CSMD1: variants seen among roughly 807,000 people sequenced by gnomAD.
CSMD1 encodes CUB and sushi domain-containing protein 1.
CSMD1 carries 213 observed loss-of-function variants against 417.5 expected under a neutral mutation model. That is an observed-to-expected ratio of 0.51 (90% confidence interval 0.46 to 0.57). CSMD1 has a LOEUF of 0.57. CSMD1 is among the 20% of genes least tolerant of loss of function. The pLI, the probability that CSMD1 is intolerant of heterozygous loss-of-function variation, is 0.00. For missense variants in CSMD1, 6,923 were observed against 4,529.7 expected (o/e 1.53, Z -15.17); for synonymous variants, 2,862 against 1,736.8 (o/e 1.65, Z -16.11).
intron 3 of CSMD1, among the ~76,000 whole-genome samples, chr8:4,343,592 A>G (rs1230703829): frequency 1.3e-5 from 2 of 152,144 alleles, no homozygotes; most frequent in Non-Finnish European, 2.9e-5. Context: ...GTATATTTTT[A>G]TCTAATAGAA....
chr8:3,102,995 T>C (rs76407462), intron 46 of CSMD1, among the ~76,000 whole-genome samples: 2,971 of 152,286 alleles, frequency 0.02, 124 homozygotes, highest in East Asian at 0.18. Context: ...CAAACCTTTG[T>C]GATTTAGCGG....
chr8:3,143,316 A>C (rs1365234717), intron 40 of CSMD1, among the ~76,000 whole-genome samples: 1 of 152,176 alleles, frequency 6.6e-6, no homozygotes, highest in Non-Finnish European at 1.5e-5. Context: ...TACGTGTGCA[A>C]AACAAATTAT....
intron 1 of CSMD1, among the ~76,000 whole-genome samples, chr8:4,687,658 C>A (rs1218981957): frequency 6.6e-6 from 1 of 152,188 alleles, no homozygotes; most frequent in Admixed American, 6.5e-5. Flanking sequence ...TCCGTGAAGG[C>A]TTAAAATGAG....
At chr8:3,265,954 G>T (rs1801401103) in intron 26 of CSMD1, among the ~76,000 whole-genome samples, 1 of 151,840 alleles carries the variant, frequency 6.6e-6, no homozygotes, top group Non-Finnish European at 1.5e-5. Context: ...TCCAGTTTTG[G>T]ATGCGTTATT....
intron 3 of CSMD1, among the ~76,000 whole-genome samples, chr8:4,283,234 A>C (rs1300328683): frequency 3.3e-5 from 5 of 152,198 alleles, no homozygotes; most frequent in Non-Finnish European, 7.4e-5. Context: ...AGTATCCACT[A>C]TCCTTTTGCA....
chr8:4,855,288 A>G (rs1801731843), intron 1 of CSMD1, among the ~76,000 whole-genome samples: 1 of 151,906 alleles, frequency 6.6e-6, no homozygotes, highest in South Asian at 2.1e-4. Context: ...AAAGACCAAA[A>G]GTAGATAAAA....
At chr8:4,180,860 G>C (rs1563232747) in intron 3 of CSMD1, among the ~76,000 whole-genome samples, 1 of 152,058 alleles carries the variant, frequency 6.6e-6, no homozygotes, top group Non-Finnish European at 1.5e-5. Flanking sequence ...AAAAGCTCAC[G>C]ATACTAAATT....
At chr8:3,967,326 G>C (rs974933538) in intron 5 of CSMD1, among the ~76,000 whole-genome samples, 1 of 151,958 alleles carries the variant, frequency 6.6e-6, no homozygotes, top group African/African-American at 2.4e-5. Flanking sequence ...GGAAATGATG[G>C]TACGGCTTCT....
chr8:4,643,515 C>A (rs967497967), intron 1 of CSMD1, among the ~76,000 whole-genome samples: 5 of 151,990 alleles, frequency 3.3e-5, no homozygotes, highest in African/African-American at 1.2e-4. Context: ...AAGTAAAAAA[C>A]ATAAAATAAA....
At chr8:4,819,506 T>C (rs1351156236) in intron 1 of CSMD1, among the ~76,000 whole-genome samples, 2 of 152,158 alleles carry the variant, frequency 1.3e-5, no homozygotes, top group South Asian at 2.1e-4. Flanking sequence ...TAGGACCCTA[T>C]ATTAATTCTG....
chr8:4,570,944 T>A (rs531917319), intron 2 of CSMD1, among the ~76,000 whole-genome samples: 2 of 152,228 alleles, frequency 1.3e-5, no homozygotes, highest in Non-Finnish European at 2.9e-5. Flanking sequence ...GTATTTATAG[T>A]ATTCTGTGGT....
chr8:3,879,918 G>C (rs1360370370), intron 5 of CSMD1, among the ~76,000 whole-genome samples: 1 of 152,050 alleles, frequency 6.6e-6, no homozygotes, highest in Non-Finnish European at 1.5e-5. Context: ...TAACGAAATA[G>C]TGCTTGGTAT....
At chr8:4,200,287 T>A (rs1000270755) in intron 3 of CSMD1, among the ~76,000 whole-genome samples, 2 of 152,208 alleles carry the variant, frequency 1.3e-5, no homozygotes, top group African/African-American at 4.8e-5. Flanking sequence ...AGAGGATAAT[T>A]TTTTTGTTAA....
chr8:4,719,592 A>C (rs1808918824), intron 1 of CSMD1, among the ~76,000 whole-genome samples: 1 of 151,994 alleles, frequency 6.6e-6, no homozygotes, highest in African/African-American at 2.4e-5. Context: ...ATAGCATAGA[A>C]CTTTGGGATG....
chr8:4,537,589 G>T (rs1797162496), intron 2 of CSMD1, among the ~76,000 whole-genome samples: 2 of 152,110 alleles, frequency 1.3e-5, no homozygotes, highest in African/African-American at 4.8e-5. Flanking sequence ...TTCGTGGCCT[G>T]GGCTTTTCTC....
At chr8:4,260,330 T>G (rs1006343032) in intron 3 of CSMD1, among the ~76,000 whole-genome samples, 1 of 152,208 alleles carries the variant, frequency 6.6e-6, no homozygotes, top group East Asian at 1.9e-4. Context: ...CTGTTTTTAT[T>G]TGCCTGATTT....
chr8:3,857,738 T>C (rs898846076), intron 5 of CSMD1, among the ~76,000 whole-genome samples: 5 of 152,190 alleles, frequency 3.3e-5, no homozygotes, highest in African/African-American at 1.2e-4. Flanking sequence ...AAGACAGTTT[T>C]TGACAGAGCT....
chr8:3,544,669 T>C (rs955771677), intron 10 of CSMD1, among the ~76,000 whole-genome samples: 3 of 152,120 alleles, frequency 2.0e-5, no homozygotes, highest in Non-Finnish European at 4.4e-5. Flanking sequence ...ACTGCAGACT[T>C]GCCTGGAGCT....
intron 10 of CSMD1, among the ~76,000 whole-genome samples, chr8:3,546,377 A>T (rs1376132406): frequency 6.6e-6 from 1 of 152,058 alleles, no homozygotes; most frequent in Non-Finnish European, 1.5e-5. Flanking sequence ...TCTACTAAAA[A>T]TACAAAAAAT....
Sources: allele counts gnomAD v4.1 joint callset (sites outside exome capture counted in the v4.1 genomes callset), GRCh38; gene constraint gnomAD v4.1.1; transcripts MANE v1.5; gene names NCBI Gene and HGNC (gene_info 2026-07-23, HGNC 2026-07-21).